The following CHST15 variants were observed in gnomAD, a reference collection of about 807,000 sequenced individuals.
CHST15 encodes the protein B cell RAG associated protein (GALNAC4S-6ST).
Under a neutral mutation model 53.6 loss-of-function variants are expected in CHST15, and 30 were observed. The ratio of observed to expected loss-of-function variants is 0.56; its 90% CI spans 0.42 to 0.76. The LOEUF is 0.76. Ranked by LOEUF, CHST15 falls within the 30% of genes least tolerant of loss-of-function variation. The pLI, the probability that CHST15 is intolerant of heterozygous loss-of-function variation, is 0.00. For synonymous variants in CHST15, 296 were observed against 289.8 expected (o/e 1.02, Z -0.22); for missense variants, 627 against 740.5 (o/e 0.85, Z 1.78).
rs1224265809 is a variant in CHST15, at chr10:124,044,659, G to C, written c.807C>G (p.Leu269=). The C allele has an allele frequency of 1.2e-6, 2 of 1,611,696 alleles. No individual in the cohort carries two copies. Among genetic ancestry groups the C allele is most frequent in the African/African-American group, 2.7e-5 (2 of 74,786 alleles). The change falls in exon 3 of 8, where the codon CTC becomes CTG. Residue 269 remains leucine, a synonymous_variant. Coordinates refer to ENST00000435907, the MANE Select transcript of CHST15 (RefSeq NM_001270764.2). ...IGQPKCGTTD[L]YDRLRLHPEV... ...CAGGGTGCAGCCGCAGGCGGTCATAGAGGTCTGTGGTCCCGCACTTGGGCT... is the reference window on the plus strand; with the variant it reads ...CAGGGTGCAGCCGCAGGCGGTCATACAGGTCTGTGGTCCCGCACTTGGGCT...
chr10:124,090,566 T>C (rs1949572392), intron 1 of CHST15, among the ~76,000 whole-genome samples: 1 of 152,372 alleles, frequency 6.6e-6, no homozygotes, highest in Non-Finnish European at 1.5e-5. Context: ...GTTACCAACC[T>C]TTCCCCAAAC....
rs1429539478 is a variant in CHST15, at chr10:124,038,554, T to A, written c.1151A>T (p.Asn384Ile). The A allele has an allele frequency of 6.2e-7, 1 of 1,614,230 alleles. No homozygotes were observed. The highest frequency in any genetic ancestry group is 8.5e-7 in the Non-Finnish European group (1 of 1,180,048). ...TQDFIHAFQP[N>I]ARLIVMLRDP... ...CCTGAGCATGACAATCAGTCTGGCATTTGGCTGAAAGGCGTGGATGAAGTC... is the reference window on the plus strand; with the variant it reads ...CCTGAGCATGACAATCAGTCTGGCAATTGGCTGAAAGGCGTGGATGAAGTC... Residue 384 changes from asparagine (N) to isoleucine (I), a missense_variant, in exon 5 of 8, where the codon AAT becomes ATT. This residue lies in a region of CHST15 where 279 missense variants were observed against 371.6 expected (regional missense o/e 0.75). Transcript: ENST00000435907.
intron 2 of CHST15, 73 bp downstream of exon 2, chr10:124,045,594 G>C: frequency 7.2e-7 from 1 of 1,388,398 alleles, no homozygotes; most frequent in Non-Finnish European, 9.8e-7. Context: ...TGTTCCCAAA[G>C]ATGGTGATAG....
intron 1 of CHST15, among the ~76,000 whole-genome samples, chr10:124,088,656 C>A (rs1949513430): frequency 6.6e-6 from 1 of 152,204 alleles, no homozygotes; most frequent in African/African-American, 2.4e-5. Flanking sequence ...TCATCTCCAA[C>A]AGCTTCCCAG....
intron 4 of CHST15, among the ~76,000 whole-genome samples, 180 bp from the exon 5 acceptor site, chr10:124,038,851 T>C (rs1312301517): frequency 4.2e-5 from 6 of 142,068 alleles, no homozygotes; most frequent in Non-Finnish European, 7.5e-5. Context: ...TGCCCCCCCC[T>C]GCCACAGCCA....
At chr10:124,010,605 CAGCGTCTA>C in intron 7 of CHST15, 1 of 985,402 alleles carries the variant, frequency 1.0e-6, no homozygotes. Context: ...AATGATGATA[CAGCGTCTA>C]AGGCTGACCT....
At chr10:124,048,566 C>T (rs1017719656) in intron 1 of CHST15, among the ~76,000 whole-genome samples, 10 of 152,196 alleles carry the variant, frequency 6.6e-5, no homozygotes, top group African/African-American at 2.2e-4. Flanking sequence ...CCTGACCCAT[C>T]GCTTGCTACA....
At chr10:124,069,727 C>T (rs1948855173) in intron 1 of CHST15, among the ~76,000 whole-genome samples, 1 of 152,222 alleles carries the variant, frequency 6.6e-6, no homozygotes, top group Admixed American at 6.5e-5. Context: ...CCATAGGACA[C>T]CTGGGCAGAG....
At chr10:124,089,156 C>T (rs141737053) in intron 1 of CHST15, among the ~76,000 whole-genome samples, 371 of 152,330 alleles carry the variant, frequency 2.4e-3, no homozygotes, top group African/African-American at 7.7e-3. Flanking sequence ...CATACCTGAG[C>T]ATCCCCTTTA....
chr10:124,087,684 G>C (rs1949472883), intron 1 of CHST15, among the ~76,000 whole-genome samples: 1 of 152,232 alleles, frequency 6.6e-6, no homozygotes, highest in Non-Finnish European at 1.5e-5. Context: ...GCATCAGGGA[G>C]AGCCTGCCGA....
At position 124,030,042 on chromosome 10, in the gene CHST15, G is replaced by A. The variant is rs79832003; in HGVS notation, c.1190+8473C>T. Among the ~76,000 whole-genome samples the A allele has an allele frequency of 0.012, 1,900 of 152,310 alleles. 73 individuals carry two copies. The East Asian group carries it at 0.14, about 11-fold the overall frequency. ...TGTGGGAATACACAGGACTGCCAAG[G>A]ACTTCACAAACATTTCCCCAAAACA... is the stretch of plus-strand genomic sequence containing the variant. On this transcript the variant is annotated intron_variant, in intron 5 of 7. Transcript: ENST00000435907.
At chr10:124,089,809 C>T (rs1008374766) in intron 1 of CHST15, among the ~76,000 whole-genome samples, 9 of 152,158 alleles carry the variant, frequency 5.9e-5, no homozygotes, top group African/African-American at 9.7e-5. Context: ...CAGCCAATTC[C>T]GCTTGTCCCC....
At chr10:124,011,186 C>T (rs75389960) in intron 7 of CHST15, 39 of 822,208 alleles carry the variant, frequency 4.7e-5, no homozygotes, top group Non-Finnish European at 5.4e-5. Flanking sequence ...CTTGGTGTAA[C>T]CCATCACTGC....
intron 5 of CHST15, among the ~76,000 whole-genome samples, chr10:124,031,114 T>C (rs1358130067): frequency 6.6e-6 from 1 of 152,208 alleles, no homozygotes; most frequent in Non-Finnish European, 1.5e-5. Flanking sequence ...CCACAGGTGG[T>C]CCTGTCCAAT....
intron 1 of CHST15, among the ~76,000 whole-genome samples, chr10:124,070,176 C>A (rs2097904708): frequency 6.6e-6 from 1 of 152,164 alleles, no homozygotes; most frequent in Admixed American, 6.5e-5. Context: ...TCTGCACTTA[C>A]AGATCTAGAG....
chr10:124,049,355 C>A (rs1254809617), intron 1 of CHST15, among the ~76,000 whole-genome samples: 1 of 152,200 alleles, frequency 6.6e-6, no homozygotes, highest in Non-Finnish European at 1.5e-5. Context: ...CCCCTTTCAG[C>A]CATACCTGAG....
In CHST15 at chr10:124,036,305, C is replaced by G. The variant is rs1478103999; in HGVS notation, c.1190+2210G>C. Among the ~76,000 whole-genome samples the G allele has an allele frequency of 2.0e-5, 3 of 152,192 alleles. No homozygotes were observed. The highest frequency in any genetic ancestry group is 4.4e-5 in the Non-Finnish European group (3 of 68,030). ...GATTTCTGCCTCCAAAACACGGGAA[C>G]CAGCAGGTGGGACATGGCAAGGGAC... On this transcript the variant is annotated intron_variant, in intron 5 of 7. Coordinates refer to ENST00000435907, the MANE Select transcript of CHST15 (RefSeq NM_001270764.2). This position sits in a 1 kb window ranked among gnomAD's most constrained non-coding sequence, Gnocchi z 5.1.
chr10:124,056,506 G>A (rs1037644790), intron 1 of CHST15, among the ~76,000 whole-genome samples: 11 of 152,228 alleles, frequency 7.2e-5, no homozygotes, highest in South Asian at 2.1e-4. Flanking sequence ...ATGGGGGAAC[G>A]GAGATGTGTA....
chr10:124,035,092 A>AC (rs1422906294), intron 5 of CHST15, among the ~76,000 whole-genome samples: 5 of 88,308 alleles, frequency 5.7e-5, no homozygotes, highest in Non-Finnish European at 9.6e-5. Flanking sequence ...CGCCGGCTCC[A>AC]CCCCTAACAG....
Sources: allele counts gnomAD v4.1 joint callset (sites outside exome capture counted in the v4.1 genomes callset), GRCh38; gene constraint gnomAD v4.1.1; regional missense constraint gnomAD v4.1.1; non-coding constraint Gnocchi (gnomAD v3.1); transcripts MANE v1.5; gene names NCBI Gene and HGNC (gene_info 2026-07-23, HGNC 2026-07-21).